Variants in PHACTR2 observed in about 807,000 individuals in gnomAD.
The protein encoded by PHACTR2 is chromosome 6 open reading frame 56.
PHACTR2 carries 30 observed loss-of-function variants against 76.0 expected under a neutral mutation model. That is an observed-to-expected ratio of 0.39 (90% CI 0.30 to 0.54). The LOEUF is 0.54. Among genes scored for constraint, PHACTR2 ranks in the 20% least tolerant of loss-of-function variants. PHACTR2 has a pLI of 0.61. For missense variants in PHACTR2, 696 were observed against 781.1 expected, an observed-to-expected ratio of 0.89 and a Z score of 1.30; for synonymous variants, 292 against 292.5, an observed-to-expected ratio of 1.00 and a Z score of 0.02.
rs898264768 is a variant in PHACTR2 at position 143,818,467 on chromosome 6, A to T, written c.1923-5207A>T. Among the ~76,000 whole-genome samples, 4 of 152,242 alleles carry T rather than the reference A, an allele frequency of 2.6e-5. No individual in the cohort carries two copies. Among genetic ancestry groups the T allele is most frequent in the Admixed American group, 6.5e-5 (1 of 15,286 alleles). On this transcript the variant is annotated intron_variant, in intron 12 of 12. Coordinates refer to ENST00000440869, the MANE Select transcript of PHACTR2 (RefSeq NM_001100164.2). This position sits in a 1 kb window ranked among gnomAD's most constrained non-coding sequence, Gnocchi z 4.9. The stretch of plus-strand genomic sequence containing the variant: ...GGATTAAATGAGGAAATAGATGCAT[A>T]GCACTTGGACTTGTAAGCTCTGGTA...
chr6:143,628,961 A>G (rs1026879225), intron 1 of PHACTR2, among the ~76,000 whole-genome samples: 1 of 115,260 alleles, frequency 8.7e-6, no homozygotes, highest in African/African-American at 3.7e-5. Context: ...ATATATATAT[A>G]TATATATATA....
rs957631834 is a variant in PHACTR2, at chr6:143,541,709, T to G, written c.217+4502T>G. Among the ~76,000 whole-genome samples the G allele has an allele frequency of 6.6e-6, 1 of 152,214 alleles. No homozygotes were observed. Among genetic ancestry groups the G allele is most frequent in the African/African-American group, 2.4e-5 (1 of 41,464 alleles). On this transcript the variant is annotated intron_variant, in intron 1 of 11. Coordinates refer to the PHACTR2 transcript ENST00000367584. The surrounding 1 kb of genome is among the most constrained non-coding windows in gnomAD (Gnocchi z 5.3). ...CTGAGTGGAAGTGAGAAATCTCGCA[T>G]ACCTCAATGTACTATCAGTTCATAT...
Position 143,537,174 on chromosome 6 carries a change from G to T in PHACTR2, c.184G>T (p.Gly62Cys). The T allele has an allele frequency of 3.2e-6, 1 of 308,676 alleles. No individual in the cohort carries two copies. Among genetic ancestry groups the T allele is most frequent in the Non-Finnish European group, 6.3e-6 (1 of 158,804 alleles). The allele number at this position is 308,676 out of a possible 1,614,324, so 19.1% of individuals were successfully genotyped here. The stretch of plus-strand genomic sequence containing the variant: ...CGACCTCTCGTCGTCCTCGAGCAGG[G>T]GCCGCCCGCTCCGGGTCCACATCTC... The change falls in exon 1 of 12, where the codon GGC (glycine) becomes TGC (cysteine). Residue 62 changes from glycine (G) to cysteine (C), a missense_variant. Coordinates refer to the PHACTR2 transcript ENST00000367584. The surrounding 1 kb of genome is among the most constrained non-coding windows in gnomAD (Gnocchi z 4.4).
At chr6:143,636,137 C>T (rs1006556872) in intron 1 of PHACTR2, among the ~76,000 whole-genome samples, 4 of 151,890 alleles carry the variant, frequency 2.6e-5, no homozygotes, top group African/African-American at 7.3e-5. Flanking sequence ...ATCTTTGAAC[C>T]CAAGAGGCAG....
At chr6:143,744,188 T>C (rs1779004066) in intron 2 of PHACTR2, among the ~76,000 whole-genome samples, 1 of 152,166 alleles carries the variant, frequency 6.6e-6, no homozygotes, top group Admixed American at 6.5e-5. Flanking sequence ...TTTTTTTCCC[T>C]AGGACTGGCC....
chr6:143,828,731 A>G lies in PHACTR2; in HGVS notation c.*5042A>G, dbSNP rs914739035. 14 of 152,158 alleles carry G rather than the reference A, an allele frequency of 9.2e-5. No homozygotes were observed. The highest frequency in any genetic ancestry group is 3.4e-4 in the African/African-American group (14 of 41,506). The allele number at this position is 152,158 out of a possible 1,614,324, so 9.4% of individuals were successfully genotyped here. ...TTGGTCTGTGTTTCTCAGTGGGGGT[A>G]CTCTTGGCATTTGGAGCTGGATAGG... On this transcript the variant is annotated 3_prime_UTR_variant, in exon 13 of 13. Transcript: ENST00000440869. This position sits in a 1 kb window ranked among gnomAD's most constrained non-coding sequence, Gnocchi z 4.7.
chr6:143,699,253 C>T (rs1209995537), intron 1 of PHACTR2, among the ~76,000 whole-genome samples: 2 of 152,154 alleles, frequency 1.3e-5, no homozygotes, highest in Non-Finnish European at 2.9e-5. Context: ...GACATCCTGG[C>T]TGGTGCAGCT....
At position 143,757,983 on chromosome 6, in the gene PHACTR2, ACACACATAACT is replaced by A. The variant is rs1371648138; in HGVS notation, c.455-2417_455-2407del. Reference sequence around the variant, plus strand: ...TGCGCGCACACACACACACACACACACACACATAACTTAAGAATTACCAGAATGACAAATGT... The same window carrying A: ...TGCGCGCACACACACACACACACACATAAGAATTACCAGAATGACAAATGT... On this transcript the variant is annotated intron_variant, in intron 4 of 12. Transcript: ENST00000440869. The surrounding 1 kb of genome is among the most constrained non-coding windows in gnomAD (Gnocchi z 4.2). Among the ~76,000 whole-genome samples the A allele has an allele frequency of 9.3e-3, 1,412 of 151,330 alleles. 29 individuals carry two copies. The highest frequency in any genetic ancestry group is 0.031 in the African/African-American group (1,273 of 40,670).
chr6:143,783,274 C>T lies in PHACTR2; in HGVS notation c.1701C>T (p.Ser567=), dbSNP rs1775474770. 6 of 1,597,468 alleles carry T rather than the reference C, an allele frequency of 3.8e-6. No individual in the cohort carries two copies. The highest frequency in any genetic ancestry group is 5.1e-6 in the Non-Finnish European group (6 of 1,165,850). ...EAKMELKRRL[S]RKLSLRPTVA... is the part of the protein sequence containing the mutation. ...AAATGGAACTTAAACGCAGACTCAG[C>T]AGAAAGGTAATGAAATCATAACTAT... The change falls in exon 10 of 13, where the codon AGC becomes AGT. Residue 567 remains serine, a synonymous_variant. Transcript: ENST00000440869. This position sits in a 1 kb window ranked among gnomAD's most constrained non-coding sequence, Gnocchi z 5.2.
chr6:143,563,613 A>T (rs1775316137), intron 1 of PHACTR2, among the ~76,000 whole-genome samples: 1 of 151,730 alleles, frequency 6.6e-6, no homozygotes, highest in Non-Finnish European at 1.5e-5. Flanking sequence ...GTGTTTAGGG[A>T]ATCAGTAAGA....
chr6:143,613,605 G>A (rs1288973195), intron 1 of PHACTR2, among the ~76,000 whole-genome samples: 4 of 152,172 alleles, frequency 2.6e-5, no homozygotes, highest in African/African-American at 7.2e-5. Context: ...TGTTCTGAGC[G>A]TTTCTTTCTT....
chr6:143,732,049 A>G (rs1778710188), intron 2 of PHACTR2, among the ~76,000 whole-genome samples: 1 of 152,164 alleles, frequency 6.6e-6, no homozygotes, highest in South Asian at 2.1e-4. Flanking sequence ...TCTATGTGCA[A>G]ATGCTACTTT....
Position 143,708,971 on chromosome 6 carries a change from A to C in PHACTR2, c.47-3045A>C, listed in dbSNP as rs144328973. On this transcript the variant is annotated intron_variant, in intron 1 of 12. Coordinates refer to ENST00000440869, the MANE Select transcript of PHACTR2 (RefSeq NM_001100164.2). This position sits in a 1 kb window ranked among gnomAD's most constrained non-coding sequence, Gnocchi z 5.5. ...GATGGAAACTTTTGTTTCTATGTTC[A>C]TAATAATTAGCCCTTTTATATTTTA... is the stretch of plus-strand genomic sequence containing the variant. Among the ~76,000 whole-genome samples, 2,057 of 152,304 alleles carry C rather than the reference A, an allele frequency of 0.014. 18 individuals carry two copies. Among genetic ancestry groups the C allele is most frequent in the South Asian group, 0.032 (155 of 4,830 alleles).
rs1169044433 is a variant in PHACTR2 at position 143,654,233 on chromosome 6, A to G, written c.13+45911A>G. 6.6e-6 allele frequency among the ~76,000 whole-genome samples: 1 copy of G among 152,214 alleles called. No homozygotes were observed. The highest frequency in any genetic ancestry group is 2.4e-5 in the African/African-American group (1 of 41,446). ...CAAGTGTTTGCAAGGATTTGGAGAA[A>G]TTGATGGTGGAAATTTAAAATGATA... On this transcript the variant is annotated intron_variant, in intron 1 of 11. Coordinates refer to the PHACTR2 transcript ENST00000305766. This position sits in a 1 kb window ranked among gnomAD's most constrained non-coding sequence, Gnocchi z 4.6.
chr6:143,621,125 C>T lies in PHACTR2; in HGVS notation c.13+12803C>T, dbSNP rs1776145709. On this transcript the variant is annotated intron_variant, in intron 1 of 11. Coordinates refer to the PHACTR2 transcript ENST00000305766. The surrounding 1 kb of genome is among the most constrained non-coding windows in gnomAD (Gnocchi z 4.1). ...CATTAAAGAAGCCTTAGCATTTTCACACAGAGACTGAGCTTGGAAATCCAG... is the reference window on the plus strand; with the variant it reads ...CATTAAAGAAGCCTTAGCATTTTCATACAGAGACTGAGCTTGGAAATCCAG... Among the ~76,000 whole-genome samples the T allele has an allele frequency of 6.6e-6, 1 of 152,174 alleles. No homozygotes were observed. The highest frequency in any genetic ancestry group is 1.5e-5 in the Non-Finnish European group (1 of 68,034).
rs929095609 is a variant in PHACTR2 at position 143,570,752 on chromosome 6, T to C, written c.217+33545T>C. The stretch of plus-strand genomic sequence containing the variant: ...CATGTGCAAGTGGAGAAGTAGCAGG[T>C]TCATCGACTCGTTCTGGTAGGGGGC... On this transcript the variant is annotated intron_variant, in intron 1 of 11. Coordinates refer to the PHACTR2 transcript ENST00000367584. The surrounding 1 kb of genome is among the most constrained non-coding windows in gnomAD (Gnocchi z 4.6). Among the ~76,000 whole-genome samples, 1 of 152,146 alleles carries C rather than the reference T, an allele frequency of 6.6e-6. No individual in the cohort carries two copies. Among genetic ancestry groups the C allele is most frequent in the Non-Finnish European group, 1.5e-5 (1 of 68,014 alleles).
chr6:143,548,453 G>C lies in PHACTR2; in HGVS notation c.217+11246G>C, dbSNP rs1430286170. ...TCCCTCCCTCCCAGACTTCTCTGAT[G>C]CTGTGAGCATATATTCTCCTCAGAT... On this transcript the variant is annotated intron_variant, in intron 1 of 11. Coordinates refer to the PHACTR2 transcript ENST00000367584. This position sits in a 1 kb window ranked among gnomAD's most constrained non-coding sequence, Gnocchi z 4.5. 6.6e-6 allele frequency among the ~76,000 whole-genome samples: 1 copy of C among 152,042 alleles called. No homozygotes were observed. Among genetic ancestry groups the C allele is most frequent in the Non-Finnish European group, 1.5e-5 (1 of 67,972 alleles).
chr6:143,606,909 T>G (rs1775883065), upstream of PHACTR2, among the ~76,000 whole-genome samples: 2 of 152,220 alleles, frequency 1.3e-5, no homozygotes, highest in African/African-American at 4.8e-5. Context: ...CAGCTTTTAT[T>G]TGAGGAAAAC....
chr6:143,788,983 T>C, intron 11 of PHACTR2, 73 bp downstream of exon 11: 2 of 1,396,298 alleles, frequency 1.4e-6, no homozygotes, highest in Non-Finnish European at 2.0e-6. Context: ...TCCCCCCTAC[T>C]TAAGTCATCC....
Sources: gnomAD v4.1 joint callset for allele counts (sites outside exome capture counted in the v4.1 genomes callset) on GRCh38, gnomAD v4.1.1 for gene constraint, Gnocchi (gnomAD v3.1) non-coding constraint, MANE v1.5 for transcripts, NCBI Gene and HGNC (gene_info 2026-07-23, HGNC 2026-07-21) for gene names.